Variants in DPP9 observed in about 807,000 individuals in gnomAD.
DPP9 encodes the protein dipeptidyl peptidase 9.
DPP9 carries 50 observed loss-of-function variants against 110.7 expected under a neutral mutation model. The observed-to-expected ratio is 0.45, with a 90% confidence interval of 0.36 to 0.57. The LOEUF is 0.57. Among genes scored for constraint, DPP9 ranks in the 20% least tolerant of loss-of-function variants. The pLI is 0.00. For missense variants in DPP9, 1,022 were observed against 1,217.9 expected (o/e 0.84, Z 2.39); for synonymous variants, 561 against 514.4 (o/e 1.09, Z -1.23).
At chr19:4,721,821 A>G (rs2093336765) in intron 2 of DPP9, among the ~76,000 whole-genome samples, 1 of 152,182 alleles carries the variant, frequency 6.6e-6, no homozygotes, top group African/African-American at 2.4e-5. Context: ...CAGGACTGAG[A>G]TTTTAAGGGA....
intron 21 of DPP9, chr19:4,679,473 A>C: frequency 7.2e-6 from 2 of 277,762 alleles, no homozygotes; most frequent in Non-Finnish European, 1.4e-5. Context: ...TAGGGCCTTC[A>C]GCACTCAGCG....
rs556696939 is a variant in DPP9, at chr19:4,689,156, G to A, written c.1750-264C>T. ...ACAGTCACCGACCGCTGGATCTGCC[G>A]AGGGCTCTGCCACTGCACAGGCCTG... On this transcript the variant is annotated intron_variant, in intron 15 of 21. Coordinates refer to ENST00000262960, the MANE Select transcript of DPP9 (RefSeq NM_139159.5). The surrounding 1 kb of genome is among the most constrained non-coding windows in gnomAD (Gnocchi z 7.0). Among the ~76,000 whole-genome samples the A allele has an allele frequency of 5.3e-5, 8 of 152,324 alleles. No homozygotes were observed. The highest frequency in any genetic ancestry group is 1.7e-4 in the African/African-American group (7 of 41,580).
rs2145425155 is a variant in DPP9, at chr19:4,685,358, C to T, written c.2031+268G>A. On this transcript the variant is annotated intron_variant, in intron 17 of 21. Coordinates refer to ENST00000262960, the MANE Select transcript of DPP9 (RefSeq NM_139159.5). The surrounding 1 kb of genome is among the most constrained non-coding windows in gnomAD (Gnocchi z 5.8). Reference sequence around the variant, plus strand: ...TACCAACCTGGAGACTAGGGGACTTCCTAGAGGAACAAGGGAGAGTCAGCA... The same window carrying T: ...TACCAACCTGGAGACTAGGGGACTTTCTAGAGGAACAAGGGAGAGTCAGCA... 1 of 627,218 alleles carries T rather than the reference C, an allele frequency of 1.6e-6. No individual in the cohort carries two copies. Among genetic ancestry groups the T allele is most frequent in the Non-Finnish European group, 3.0e-6 (1 of 337,022 alleles). 38.9% of individuals were successfully genotyped at this position (627,218 alleles called of 1,614,324 possible). A position where few individuals can be genotyped will look rare whatever the true frequency, so the allele number is the denominator to read the frequency against.
rs1443485906 is a variant in DPP9 at position 4,696,115 on chromosome 19, A to G, written c.1176-560T>C. Among the ~76,000 whole-genome samples, 6 of 152,168 alleles carry G rather than the reference A, an allele frequency of 3.9e-5. No homozygotes were observed. The East Asian group carries it at 9.7e-4, about 25-fold the overall frequency. On this transcript the variant is annotated intron_variant, in intron 11 of 21. Transcript: ENST00000262960. ...AAGGTTTCATCATGTTGGCCAGGCT[A>G]GTCTCGAACTCCTGACCTCAGATGA...
In DPP9 at chr19:4,685,659, G is replaced by A. The variant is rs1249150226; in HGVS notation, c.1998C>T (p.His666=). Residue 666 remains histidine (H), a synonymous_variant, in exon 17 of 22, where the codon CAC becomes CAT. Transcript: ENST00000262960. The surrounding 1 kb of genome is among the most constrained non-coding windows in gnomAD (Gnocchi z 5.8). ...KPHALQPGKK[H]PTVLFVYGGP... ...CTCCATATACAAAGAGGACGGTGGG[G>A]TGCTTCTTCCCTGGCTGCAAGGCGT... 3.7e-6 allele frequency: 6 copies of A among 1,611,780 alleles called. No homozygotes were observed. Among genetic ancestry groups the A allele is most frequent in the Non-Finnish European group, 5.1e-6 (6 of 1,179,274 alleles).
chr19:4,723,005 C>G (rs1340474266), intron 1 of DPP9, among the ~76,000 whole-genome samples: 1 of 152,136 alleles, frequency 6.6e-6, no homozygotes, highest in Non-Finnish European at 1.5e-5. Context: ...TTGGACAGGC[C>G]TGAGAAGGGA....
Position 4,682,906 on chromosome 19 carries a change from G to A in DPP9, c.2332-68C>T. 1 of 1,541,316 alleles carries A rather than the reference G, an allele frequency of 6.5e-7. No homozygotes were observed. Among genetic ancestry groups the A allele is most frequent in the Non-Finnish European group, 8.7e-7 (1 of 1,146,766 alleles). On this transcript the variant is annotated intron_variant, in intron 19 of 21. Coordinates refer to ENST00000262960, the MANE Select transcript of DPP9 (RefSeq NM_139159.5). The surrounding 1 kb of genome is among the most constrained non-coding windows in gnomAD (Gnocchi z 7.1). ...AAACAGGCGTCGGGTCCTACAGCCAGCATCAGCCGCTGTCCCGGGGCCGCC... is the reference window on the plus strand; with the variant it reads ...AAACAGGCGTCGGGTCCTACAGCCAACATCAGCCGCTGTCCCGGGGCCGCC...
intron 3 of DPP9, 45 bp from the exon 4 acceptor site, chr19:4,714,382 C>T: frequency 6.9e-7 from 1 of 1,455,002 alleles, no homozygotes; most frequent in African/African-American, 1.4e-5. Flanking sequence ...AACTGTTTTA[C>T]CTACGAGCTG....
At position 4,694,846 on chromosome 19, in the gene DPP9, A is replaced by G. The variant is rs2091651383; in HGVS notation, c.1354-23T>C. The G allele has an allele frequency of 1.2e-6, 2 of 1,612,348 alleles. No individual in the cohort carries two copies. Among genetic ancestry groups the G allele is most frequent in the African/African-American group, 1.3e-5 (1 of 75,004 alleles). On this transcript the variant is annotated intron_variant, in intron 12 of 21. Coordinates refer to ENST00000262960, the MANE Select transcript of DPP9 (RefSeq NM_139159.5). The surrounding 1 kb of genome is among the most constrained non-coding windows in gnomAD (Gnocchi z 4.0). ...AACCTGTCCGGAAAGCAGATAGAAG[A>G]TGCGTCAGAAGGTGTGGGTGGCCGG...
chr19:4,717,034 G>A (rs894599046), intron 3 of DPP9, among the ~76,000 whole-genome samples: 1 of 152,174 alleles, frequency 6.6e-6, no homozygotes, highest in Non-Finnish European at 1.5e-5. Flanking sequence ...GGTGGCTTCT[G>A]AGTATCACGG....
At position 4,714,162 on chromosome 19, in the gene DPP9, C is replaced by T. The variant is rs890929348; in HGVS notation, c.232G>A (p.Val78Ile). ...HGSRKYSGLI[V>I]NKAPHDFQFV... Reference sequence around the variant, plus strand: ...TGGAAGTCGTGGGGCGCCTTGTTGACAATGAGGCCCGAGTACTTGCGGCTG... The same window carrying T: ...TGGAAGTCGTGGGGCGCCTTGTTGATAATGAGGCCCGAGTACTTGCGGCTG... The change falls in exon 4 of 22, where the codon GTC (valine) becomes ATC (isoleucine). Residue 78 changes from valine (V) to isoleucine (I), a missense_variant. Physicochemically the swap from Val to Ile is conservative, Grantham distance 29 (BLOSUM62 3). This residue lies in a region of DPP9 where 810 missense variants were observed against 920.6 expected (regional missense o/e 0.88). Transcript: ENST00000262960. 3 of 1,612,782 alleles carry T rather than the reference C, an allele frequency of 1.9e-6. No homozygotes were observed. The highest frequency in any genetic ancestry group is 2.7e-5 in the African/African-American group (2 of 74,904).
Position 4,684,486 on chromosome 19 carries a change from C to T in DPP9, c.2178+177G>A. On this transcript the variant is annotated intron_variant, in intron 18 of 21. Coordinates refer to ENST00000262960, the MANE Select transcript of DPP9 (RefSeq NM_139159.5). The surrounding 1 kb of genome is among the most constrained non-coding windows in gnomAD (Gnocchi z 4.8). ...CAGGGCGCAGCCCAGAGCTGAGCAG[C>T]AAAGCATACATCCCCTTTTGTTCTA... The T allele has an allele frequency of 1.4e-6, 1 of 695,896 alleles. No individual in the cohort carries two copies. The highest frequency in any genetic ancestry group is 2.4e-6 in the Non-Finnish European group (1 of 423,254). 43.1% of individuals were successfully genotyped at this position (695,896 alleles called of 1,614,324 possible). A position where few individuals can be genotyped will look rare whatever the true frequency, so the allele number is the denominator to read the frequency against.
intron 3 of DPP9, among the ~76,000 whole-genome samples, chr19:4,716,890 G>C (rs1191385175): frequency 6.6e-6 from 1 of 152,164 alleles, no homozygotes; most frequent in Non-Finnish European, 1.5e-5. Flanking sequence ...ACAGAGTGCA[G>C]CCCAGAGAAC....
In DPP9 at chr19:4,682,047, A is replaced by T. The variant is rs1405630748; in HGVS notation, c.2474+649T>A. Among the ~76,000 whole-genome samples, 2 of 151,902 alleles carry T rather than the reference A, an allele frequency of 1.3e-5. No homozygotes were observed. The highest frequency in any genetic ancestry group is 3.9e-4 in the East Asian group (2 of 5,146). On this transcript the variant is annotated intron_variant, in intron 20 of 21. Coordinates refer to ENST00000262960, the MANE Select transcript of DPP9 (RefSeq NM_139159.5). This position sits in a 1 kb window ranked among gnomAD's most constrained non-coding sequence, Gnocchi z 7.1. Reference sequence around the variant, plus strand: ...GTATTTTTAGTAGAGACGGGGTTTCATCTTGTTAGCCAGGATGGTCTCAAT... The same window carrying T: ...GTATTTTTAGTAGAGACGGGGTTTCTTCTTGTTAGCCAGGATGGTCTCAAT...
At position 4,714,204 on chromosome 19, in the gene DPP9, G is replaced by A. The variant is rs755902379; in HGVS notation, c.190C>T (p.Arg64Trp). The A allele has an allele frequency of 2.6e-5, 41 of 1,607,504 alleles. No individual in the cohort carries two copies. Among genetic ancestry groups the A allele is most frequent in the Non-Finnish European group, 3.0e-5 (35 of 1,177,384 alleles). Residue 64 changes from arginine to tryptophan, a missense_variant, in exon 4 of 22, where the codon CGG (arginine) becomes TGG (tryptophan). Coordinates refer to ENST00000262960, the MANE Select transcript of DPP9 (RefSeq NM_139159.5). ...QVQKHSWDGL[R>W]SIIHGSRKYS... ...TTGCGGCTGCCGTGGATGATGCTCC[G>A]GAGCCCGTCCCACGAGTGCTTCTGC...
chr19:4,694,523 C>T lies in DPP9; in HGVS notation c.1516+138G>A, dbSNP rs2145589269. On this transcript the variant is annotated intron_variant, in intron 13 of 21. Transcript: ENST00000262960. The surrounding 1 kb of genome is among the most constrained non-coding windows in gnomAD (Gnocchi z 4.0). ...CAGATCATGCAGTCACTGGGGAAGGCTGGCTTCCTGCCGATCCCTGTTCCT... is the reference window on the plus strand; with the variant it reads ...CAGATCATGCAGTCACTGGGGAAGGTTGGCTTCCTGCCGATCCCTGTTCCT... 1 of 1,137,820 alleles carries T rather than the reference C, an allele frequency of 8.8e-7. No individual in the cohort carries two copies. The highest frequency in any genetic ancestry group is 1.2e-6 in the Non-Finnish European group (1 of 810,498). 70.5% of individuals were successfully genotyped at this position (1,137,820 alleles called of 1,614,324 possible). A position where few individuals can be genotyped will look rare whatever the true frequency, so the allele number is the denominator to read the frequency against.
At position 4,718,572 on chromosome 19, in the gene DPP9, A is replaced by G. The variant is rs1021351752; in HGVS notation, c.56+1279T>C. On this transcript the variant is annotated intron_variant, in intron 3 of 21. Coordinates refer to ENST00000262960, the MANE Select transcript of DPP9 (RefSeq NM_139159.5). The surrounding 1 kb of genome is among the most constrained non-coding windows in gnomAD (Gnocchi z 4.3). ...AGCATGCCACCCTCTGTCCTACCCA[A>G]ACTGCCCCCAGCACTGCCTGGGCCT... is the stretch of plus-strand genomic sequence containing the variant. 6.6e-6 allele frequency among the ~76,000 whole-genome samples: 1 copy of G among 152,168 alleles called. No individual in the cohort carries two copies. The highest frequency in any genetic ancestry group is 1.5e-5 in the Non-Finnish European group (1 of 68,012).
In DPP9 at chr19:4,687,142, C is replaced by T. The variant is rs1042281543; in HGVS notation, c.1886-1371G>A. Among the ~76,000 whole-genome samples the T allele has an allele frequency of 2.2e-4, 33 of 152,244 alleles. No individual in the cohort carries two copies. Among genetic ancestry groups the T allele is most frequent in the African/African-American group, 5.8e-4 (24 of 41,544 alleles). On this transcript the variant is annotated intron_variant, in intron 16 of 21. Coordinates refer to ENST00000262960, the MANE Select transcript of DPP9 (RefSeq NM_139159.5). This position sits in a 1 kb window ranked among gnomAD's most constrained non-coding sequence, Gnocchi z 4.7. ...CTGAAGCCAGGGCTCCAGCTCCTGG[C>T]GGTGTCGGTGCGGACAGGAGAGTGA...
chr19:4,703,810 C>T, intron 7 of DPP9, 76 bp downstream of exon 7: 1 of 1,476,256 alleles, frequency 6.8e-7, no homozygotes, highest in Non-Finnish European at 9.2e-7. Flanking sequence ...AAGACCCTGG[C>T]TGTGGGGGCA....
Sources: gnomAD v4.1 joint callset for allele counts (sites outside exome capture counted in the v4.1 genomes callset) on GRCh38, gnomAD v4.1.1 for gene constraint, gnomAD v4.1.1 regional missense constraint, Gnocchi (gnomAD v3.1) non-coding constraint, MANE v1.5 for transcripts, NCBI Gene and HGNC (gene_info 2026-07-23, HGNC 2026-07-21) for gene names.